EXO1: variants seen among roughly 807,000 people sequenced by gnomAD.
EXO1 encodes exonuclease 1.
In EXO1, 69 loss-of-function variants were observed where a neutral mutation model predicts 84.5. That is an observed-to-expected ratio of 0.82 (90% CI 0.67 to 1.00). EXO1 has a LOEUF of 1.00. Ranked by LOEUF, EXO1 falls within the 50% of genes least tolerant of loss-of-function variation. EXO1 has a pLI of 0.00. For missense variants in EXO1, 1,045 were observed against 1,000.7 expected, an observed-to-expected ratio of 1.04 and a Z score of -0.60; for synonymous variants, 373 against 366.1, an observed-to-expected ratio of 1.02 and a Z score of -0.21.
At position 241,878,880 on chromosome 1, in the gene EXO1, G is replaced by A. The variant is rs769338146; in HGVS notation, c.1646G>A (p.Arg549Lys). The part of the protein sequence containing the change: ...ESEYGDQEGK[R>K]LVDTDVARNS... ...GAGTATGGAGACCAAGAAGGCAAGA[G>A]ACTGGTTGACACAGATGTAGCACGT... Residue 549 changes from arginine (R) to lysine (K), a missense_variant, in exon 13 of 16, where the codon AGA (arginine) becomes AAA (lysine). Transcript: ENST00000366548. 9 of 1,614,130 alleles carry A rather than the reference G, an allele frequency of 5.6e-6. No individual in the cohort carries two copies. In the South Asian group the frequency reaches 8.8e-5, roughly 16 times the overall value.
At chr1:241,869,158 T>C (rs1661930182) in intron 11 of EXO1, among the ~76,000 whole-genome samples, 1 of 152,226 alleles carries the variant, frequency 6.6e-6, no homozygotes, top group South Asian at 2.1e-4. Context: ...GACTTCAAGA[T>C]TTCCTATGAG....
rs569260954 is a variant in EXO1 at position 241,874,650 on chromosome 1, T to C, written c.1514+2372T>C. ...AGTCAGGCTTCCTGGAATCTTGTTG[T>C]GTTCATTGTGAGATGTGTGACTTGA... is the stretch of plus-strand genomic sequence containing the variant. On this transcript the variant is annotated intron_variant, in intron 12 of 15. Coordinates refer to ENST00000366548, the MANE Select transcript of EXO1 (RefSeq NM_130398.4). Among the ~76,000 whole-genome samples, 7 of 152,352 alleles carry C rather than the reference T, an allele frequency of 4.6e-5. No homozygotes were observed. In the South Asian group the frequency reaches 1.4e-3, roughly 32 times the overall value.
intron 13 of EXO1, among the ~76,000 whole-genome samples, chr1:241,880,008 A>G (rs1426326910): frequency 1.3e-5 from 2 of 151,948 alleles, no homozygotes; most frequent in Non-Finnish European, 2.9e-5. Context: ...CTGTCTCAAA[A>G]AAAAAAAAAG....
intron 10 of EXO1, among the ~76,000 whole-genome samples, chr1:241,863,634 C>G (rs1291526655): frequency 2.0e-5 from 3 of 152,142 alleles, no homozygotes; most frequent in Non-Finnish European, 4.4e-5. Context: ...TAAGCCAAGC[C>G]TACCAAGAGA....
At chr1:241,850,030 C>T (rs1186095865) in intron 3 of EXO1, among the ~76,000 whole-genome samples, 1 of 152,176 alleles carries the variant, frequency 6.6e-6, no homozygotes, top group African/African-American at 2.4e-5. Flanking sequence ...GCCTGTAATC[C>T]CAGCACTTTG....
Position 241,867,908 on chromosome 1 carries a change from C to T in EXO1, c.1267+853C>T, listed in dbSNP as rs557071160. On this transcript the variant is annotated intron_variant, in intron 11 of 15. Coordinates refer to ENST00000366548, the MANE Select transcript of EXO1 (RefSeq NM_130398.4). Reference sequence around the variant, plus strand: ...TGTTTTGGCTATTCTGTGTTTTTCACGTTTCCATGTACATTTTAGAATTTA... The same window carrying T: ...TGTTTTGGCTATTCTGTGTTTTTCATGTTTCCATGTACATTTTAGAATTTA... Among the ~76,000 whole-genome samples, 25 of 151,872 alleles carry T rather than the reference C, an allele frequency of 1.6e-4. No individual in the cohort carries two copies. In the South Asian group the frequency reaches 3.3e-3, roughly 20 times the overall value.
At chr1:241,874,762 A>G (rs1036387607) in intron 12 of EXO1, among the ~76,000 whole-genome samples, 1 of 152,220 alleles carries the variant, frequency 6.6e-6, no homozygotes, top group African/African-American at 2.4e-5. Context: ...GAAAGGATTA[A>G]ATGAGTTACT....
In EXO1 at chr1:241,885,455, C is replaced by G; in HGVS notation, c.2353C>G (p.Pro785Ala). ...AAAGCATCATAATGCCGAGAACAAG[C>G]CGGGGTTACAGATCAAACTCAATGA... ...KRKHHNAENKPGLQIKLNELW... is the reference protein window; with the variant it reads ...KRKHHNAENKAGLQIKLNELW... The change falls in exon 15 of 16, where the codon CCG becomes GCG. Residue 785 changes from proline (P) to alanine (A), a missense_variant. Transcript: ENST00000366548. 3.1e-6 allele frequency: 5 copies of G among 1,613,706 alleles called. No homozygotes were observed. Among genetic ancestry groups the G allele is most frequent in the Non-Finnish European group, 4.2e-6 (5 of 1,179,822 alleles).
chr1:241,854,128 T>C (rs759993466), intron 6 of EXO1, among the ~76,000 whole-genome samples: 4 of 152,082 alleles, frequency 2.6e-5, no homozygotes, highest in Non-Finnish European at 5.9e-5. Flanking sequence ...TAAGGTGTTG[T>C]GGTTTTTTTG....
chr1:241,876,054 C>T (rs1470883812), intron 12 of EXO1, among the ~76,000 whole-genome samples: 2 of 152,122 alleles, frequency 1.3e-5, no homozygotes, highest in Non-Finnish European at 2.9e-5. Context: ...TTGTGTGTCT[C>T]TACAGGGCTC....
At chr1:241,856,967 G>A (rs1384273798) in intron 6 of EXO1, among the ~76,000 whole-genome samples, 1 of 152,198 alleles carries the variant, frequency 6.6e-6, no homozygotes, top group African/African-American at 2.4e-5. Flanking sequence ...CAGAGCCCAG[G>A]AGGTCGAAGC....
intron 13 of EXO1, 98 bp from the exon 14 acceptor site, chr1:241,881,818 C>G: frequency 1.5e-6 from 1 of 647,416 alleles, no homozygotes; most frequent in African/African-American, 1.8e-5. Flanking sequence ...ATCCCATGTT[C>G]TTATTTATCT....
chr1:241,855,071 T>C (rs774522506), intron 6 of EXO1, among the ~76,000 whole-genome samples: 1 of 152,192 alleles, frequency 6.6e-6, no homozygotes, highest in Admixed American at 6.5e-5. Context: ...AGTAGCAAGA[T>C]GTATTGCAAA....
chr1:241,879,325 T>G lies in EXO1; in HGVS notation c.2091T>G (p.Ser697Arg), dbSNP rs1159840683. 1.9e-6 allele frequency: 3 copies of G among 1,596,824 alleles called. No homozygotes were observed. The highest frequency in any genetic ancestry group is 2.7e-5 in the African/African-American group (2 of 74,380). The change falls in exon 13 of 16, where the codon AGT becomes AGG. Residue 697 changes from serine (S) to arginine (R), a missense_variant. Coordinates refer to ENST00000366548, the MANE Select transcript of EXO1 (RefSeq NM_130398.4). ...CATCAAAGCTTTCTCAGTGCTCTAG[T>G]AAGGACTCTGATTCAGAGGTAAGTC... ...SNASKLSQCS[S>R]KDSDSEESDC...
rs1421037979 is a variant in EXO1, at chr1:241,878,732, A to G, written c.1515-17A>G. 6.6e-7 allele frequency: 1 copy of G among 1,508,798 alleles called. No individual in the cohort carries two copies. Among genetic ancestry groups the G allele is most frequent in the East Asian group, 2.3e-5 (1 of 43,288 alleles). The allele number at this position is 1,508,798 out of a possible 1,614,324, so 93.5% of individuals were successfully genotyped here. ...ATACTCATACTTACTTATTGTTTCT[A>G]TTGCTTTTTTTATTAGGTTTTTTTG... On this transcript the variant is annotated splice_polypyrimidine_tract_variant and intron_variant, in intron 12 of 15. Coordinates refer to ENST00000366548, the MANE Select transcript of EXO1 (RefSeq NM_130398.4).
At chr1:241,849,430 T>A (rs1406913546) in intron 3 of EXO1, among the ~76,000 whole-genome samples, 1 of 152,044 alleles carries the variant, frequency 6.6e-6, no homozygotes, top group Non-Finnish European at 1.5e-5. Context: ...GCAACCGGAA[T>A]GGAAGGGGGT....
At chr1:241,860,893 A>G (rs558344106) in intron 9 of EXO1, among the ~76,000 whole-genome samples, 189 bp downstream of exon 9, 28 of 152,320 alleles carry the variant, frequency 1.8e-4, no homozygotes, top group African/African-American at 5.8e-4. Context: ...TTTGTTTATA[A>G]ACCCGAGGCT....
At position 241,852,358 on chromosome 1, in the gene EXO1, A is replaced by G; in HGVS notation, c.228A>G (p.Val76=). 3 of 1,588,568 alleles carry G rather than the reference A, an allele frequency of 1.9e-6. No individual in the cohort carries two copies. Among genetic ancestry groups the G allele is most frequent in the Non-Finnish European group, 2.6e-6 (3 of 1,157,178 alleles). Residue 76 remains valine (V), a synonymous_variant, in exon 5 of 16, where the codon GTA becomes GTG. Transcript: ENST00000366548. ...CTCATGGGATCAAGCCTATTCTCGT[A>G]TTTGATGGATGTACTTTACCTTCTA... ...LLSHGIKPIL[V]FDGCTLPSKK...
At chr1:241,878,014 C>T (rs544723082) in intron 12 of EXO1, among the ~76,000 whole-genome samples, 33 of 152,198 alleles carry the variant, frequency 2.2e-4, no homozygotes, top group East Asian at 1.4e-3. Flanking sequence ...TCTTTTCATG[C>T]GTTTGACCAT....
Sources: gnomAD v4.1 joint callset for allele counts (sites outside exome capture counted in the v4.1 genomes callset) on GRCh38, gnomAD v4.1.1 for gene constraint, MANE v1.5 for transcripts, NCBI Gene and HGNC (gene_info 2026-07-23, HGNC 2026-07-21) for gene names.